Variants in CLVS1 observed in about 807,000 individuals in gnomAD.
The protein encoded by CLVS1 is clavesin 1.
CLVS1 carries 10 observed loss-of-function variants against 33.1 expected under a neutral mutation model. The observed-to-expected ratio is 0.30, with a 90% CI of 0.19 to 0.51. The LOEUF (loss-of-function observed/expected upper bound fraction) is 0.51. CLVS1 is among the 20% of genes least tolerant of loss of function. The probability of loss-of-function intolerance (pLI) is 0.97; values close to 1 mark genes in which losing one functional copy is unlikely to be tolerated. For missense variants in CLVS1, 343 were observed against 433.4 expected (o/e 0.79, Z 1.85); for synonymous variants, 163 against 166.1 (o/e 0.98, Z 0.14).
At chr8:61,150,481 C>T (rs76177684) in intron 2 of CLVS1, among the ~76,000 whole-genome samples, 4,417 of 152,304 alleles carry the variant, frequency 0.029, 130 homozygotes, top group Non-Finnish European at 0.037. Context: ...ACCCCCACAT[C>T]CAGTTTCTAT....
intron 2 of CLVS1, among the ~76,000 whole-genome samples, chr8:61,219,627 A>G (rs1808167045): frequency 6.6e-6 from 1 of 152,172 alleles, no homozygotes; most frequent in Non-Finnish European, 1.5e-5. Context: ...ATGTGTCTTT[A>G]TAGTAGAGTG....
At chr8:61,127,736 A>G (rs1806003098) in intron 1 of CLVS1, among the ~76,000 whole-genome samples, 2 of 152,192 alleles carry the variant, frequency 1.3e-5, no homozygotes, top group African/African-American at 4.8e-5. Context: ...CACATATTCC[A>G]GTTGGATATT....
At chr8:61,046,515 A>G in the CLVS1 span, among the ~76,000 whole-genome samples, 1 of 145,986 alleles carries the variant, frequency 6.8e-6, no homozygotes, top group African/African-American at 2.7e-5. Context: ...GTTTTTTCAA[A>G]TTCTGTGAAG....
the CLVS1 span, among the ~76,000 whole-genome samples, chr8:61,016,714 A>G: frequency 6.6e-6 from 1 of 152,226 alleles, no homozygotes; most frequent in African/African-American, 2.4e-5. Context: ...GCATTTGTGC[A>G]TGCAAGTGGT....
intron 2 of CLVS1, among the ~76,000 whole-genome samples, chr8:61,329,874 C>T (rs1007999182): frequency 2.0e-5 from 3 of 152,134 alleles, no homozygotes; most frequent in South Asian, 4.2e-4. Flanking sequence ...CTTGACTGCT[C>T]TATGCACCCA....
chr8:61,166,546 C>CT (rs3056180), intron 2 of CLVS1, among the ~76,000 whole-genome samples: 15 of 151,334 alleles, frequency 9.9e-5, no homozygotes, highest in South Asian at 8.4e-4. Flanking sequence ...GTAATAAAAG[C>CT]TTTTTTTTTT....
intron 1 of CLVS1, among the ~76,000 whole-genome samples, chr8:61,128,165 C>G (rs1806010275): frequency 6.6e-6 from 1 of 152,204 alleles, no homozygotes; most frequent in African/African-American, 2.4e-5. Context: ...CCATGTAAAT[C>G]TAATATCTCT....
the CLVS1 span, among the ~76,000 whole-genome samples, chr8:60,973,738 C>T: frequency 1.3e-5 from 2 of 152,150 alleles, no homozygotes; most frequent in African/African-American, 4.8e-5. Context: ...AGGACATATA[C>T]CAGTTAAACT....
intron 3 of CLVS1, among the ~76,000 whole-genome samples, chr8:61,435,625 TAAA>T (rs35113828): frequency 7.4e-5 from 10 of 135,024 alleles, no homozygotes; most frequent in Non-Finnish European, 9.7e-5. Flanking sequence ...ATTGTGATAG[TAAA>T]AAAAAAAAAA....
chr8:61,268,376 A>G (rs1809357617), intron 2 of CLVS1, among the ~76,000 whole-genome samples: 1 of 150,662 alleles, frequency 6.6e-6, no homozygotes, highest in African/African-American at 2.4e-5. Flanking sequence ...ATAGTATTCC[A>G]TGGTGTATAT....
chr8:61,277,563 T>C (rs1034523240), intron 2 of CLVS1, among the ~76,000 whole-genome samples: 18 of 152,146 alleles, frequency 1.2e-4, no homozygotes, highest in African/African-American at 4.1e-4. Context: ...TCAGCTCCCA[T>C]AAATGTTAAA....
At chr8:61,377,860 C>A (rs1450027895) in intron 3 of CLVS1, 2 of 152,094 alleles carry the variant, frequency 1.3e-5, no homozygotes, top group African/African-American at 4.8e-5. Context: ...AACAGCAAGT[C>A]CACATTGTTC....
rs1317798593 is a variant in CLVS1, at chr8:61,458,723, G to A, written c.977+181G>A. ...AAACAAATGGGGCTTGGCTGGCCCA[G>A]CACTATAGTTGTCCCCATTGTATCA... On this transcript the variant is annotated intron_variant, in intron 5 of 5. Transcript: ENST00000325897. 4 of 539,542 alleles carry A rather than the reference G, an allele frequency of 7.4e-6. No individual in the cohort carries two copies. The Admixed American group carries it at 1.5e-4, about 20-fold the overall frequency. The allele number at this position is 539,542 out of a possible 1,614,324, so 33.4% of individuals were successfully genotyped here. A position where few individuals can be genotyped will look rare whatever the true frequency, so the allele number is the denominator to read the frequency against.
intron 2 of CLVS1, among the ~76,000 whole-genome samples, chr8:61,176,949 G>A (rs1019902228): frequency 5.3e-5 from 8 of 152,192 alleles, no homozygotes; most frequent in African/African-American, 1.9e-4. Context: ...AGTTCCCAGG[G>A]GGAGTGGTGG....
the CLVS1 span, among the ~76,000 whole-genome samples, chr8:61,041,946 T>C: frequency 6.6e-6 from 1 of 152,142 alleles, no homozygotes; most frequent in Non-Finnish European, 1.5e-5. Context: ...GGAAACTTAA[T>C]CTCTTGAGTT....
chr8:61,246,761 T>G (rs1808818969), intron 2 of CLVS1, among the ~76,000 whole-genome samples: 1 of 152,208 alleles, frequency 6.6e-6, no homozygotes, highest in African/African-American at 2.4e-5. Context: ...CATTTTTGAC[T>G]GCATACATGT....
At chr8:61,172,562 C>A (rs927102954) in intron 2 of CLVS1, among the ~76,000 whole-genome samples, 3 of 152,000 alleles carry the variant, frequency 2.0e-5, no homozygotes, top group African/African-American at 7.3e-5. Context: ...ATTAATATTA[C>A]TCATGAGATT....
At chr8:61,270,864 C>T (rs901112448) in intron 2 of CLVS1, among the ~76,000 whole-genome samples, 3 of 151,752 alleles carry the variant, frequency 2.0e-5, no homozygotes, top group African/African-American at 4.9e-5. Flanking sequence ...GGTGATATCC[C>T]CTTTATCATT....
chr8:61,192,525 C>T (rs971927582), intron 2 of CLVS1, among the ~76,000 whole-genome samples: 84 of 151,430 alleles, frequency 5.5e-4, no homozygotes, highest in Admixed American at 3.7e-3. Context: ...TTGTCAAATA[C>T]GATCTAATTA....
Sources: allele counts gnomAD v4.1 joint callset (sites outside exome capture counted in the v4.1 genomes callset), GRCh38; gene constraint gnomAD v4.1.1; transcripts MANE v1.5; gene names NCBI Gene and HGNC (gene_info 2026-07-23, HGNC 2026-07-21).